TMEM209: variants seen among roughly 807,000 people sequenced by gnomAD.
TMEM209 encodes the protein transmembrane protein 209.
In TMEM209, 65 loss-of-function variants were observed where a neutral mutation model predicts 76.2. That is an observed-to-expected ratio of 0.85 (90% CI 0.70 to 1.05). The LOEUF (loss-of-function observed/expected upper bound fraction) is 1.05, where lower values mean the gene tolerates loss of function less well. Among genes scored for constraint, TMEM209 ranks in the 50% least tolerant of loss-of-function variants. The pLI, the probability that TMEM209 is intolerant of heterozygous loss-of-function variation, is 0.00. For synonymous variants in TMEM209, 239 were observed against 237.6 expected, an observed-to-expected ratio of 1.01 and a Z score of -0.06; for missense variants, 623 against 685.5, an observed-to-expected ratio of 0.91 and a Z score of 1.02.
At chr7:130,175,303 A>C in intron 11 of TMEM209, 1 of 447,986 alleles carries the variant, frequency 2.2e-6, no homozygotes, top group South Asian at 4.7e-5. Flanking sequence ...CTCTACAAAA[A>C]ATTAAAAAAA....
chr7:130,175,650 C>T lies in TMEM209; in HGVS notation c.1247-41G>A, dbSNP rs1484745021. On this transcript the variant is annotated intron_variant, in intron 10 of 14. Transcript: ENST00000397622. Reference sequence around the variant, plus strand: ...GAAATTTTTAAAAGCTAAGAGTATGCAAAAAAGAAAAGAAAAAAAAAGCTA... The same window carrying T: ...GAAATTTTTAAAAGCTAAGAGTATGTAAAAAAGAAAAGAAAAAAAAAGCTA... 4.4e-6 allele frequency: 6 copies of T among 1,374,658 alleles called. No homozygotes were observed. In the Admixed American group the frequency reaches 1.0e-4, roughly 24 times the overall value. The allele number at this position is 1,374,658 out of a possible 1,614,324, so 85.2% of individuals were successfully genotyped here.
At position 130,200,899 on chromosome 7, in the gene TMEM209, C is replaced by T. The variant is rs919916036; in HGVS notation, c.573+951G>A. ...GGTCAGGAGATCGAGACCATCCTGG[C>T]TAACATGGCGAAACCCCGTCTCTAC... On this transcript the variant is annotated intron_variant, in intron 5 of 14. Coordinates refer to ENST00000397622, the MANE Select transcript of TMEM209 (RefSeq NM_032842.4). Among the ~76,000 whole-genome samples, 105 of 151,852 alleles carry T rather than the reference C, an allele frequency of 6.9e-4. 1 individual carries two copies. Among genetic ancestry groups the T allele is most frequent in the African/African-American group, 2.3e-3 (97 of 41,356 alleles).
chr7:130,202,159 A>T, intron 4 of TMEM209, 68 bp from the exon 5 acceptor site: 2 of 1,519,824 alleles, frequency 1.3e-6, no homozygotes, highest in Non-Finnish European at 1.8e-6. Flanking sequence ...AATATATTTA[A>T]GCAACTAAGT....
chr7:130,168,806 A>C (rs1010201765), intron 14 of TMEM209, among the ~76,000 whole-genome samples: 2 of 152,234 alleles, frequency 1.3e-5, no homozygotes, highest in African/African-American at 2.4e-5. Flanking sequence ...GTTCTAGTTT[A>C]TACACTGCTG....
At chr7:130,187,261 G>T (rs1414956741) in intron 6 of TMEM209, among the ~76,000 whole-genome samples, 12 of 148,438 alleles carry the variant, frequency 8.1e-5, no homozygotes, top group Non-Finnish European at 1.5e-4. Flanking sequence ...AAAAAACCTC[G>T]ATCTCAAAAA....
chr7:130,202,756 C>A, intron 3 of TMEM209, 93 bp from the exon 4 acceptor site: 1 of 1,306,020 alleles, frequency 7.7e-7, no homozygotes. Flanking sequence ...ACTAAAATTA[C>A]CTTCTTATTC....
intron 14 of TMEM209, 28 bp downstream of exon 14, chr7:130,170,372 C>G (rs372894923): frequency 2.5e-5 from 39 of 1,573,506 alleles, no homozygotes; most frequent in Non-Finnish European, 3.1e-5. Flanking sequence ...TAAATAACTA[C>G]TTACGTTTTT....
intron 10 of TMEM209, 28 bp downstream of exon 10, chr7:130,178,374 A>T (rs1419546833): frequency 6.4e-7 from 1 of 1,557,658 alleles, no homozygotes; most frequent in Non-Finnish European, 8.7e-7. Flanking sequence ...AAAAGCTCTT[A>T]TTTTTTTCTC....
At chr7:130,172,306 T>C (rs978516030) in intron 13 of TMEM209, among the ~76,000 whole-genome samples, 2 of 152,182 alleles carry the variant, frequency 1.3e-5, no homozygotes, top group Non-Finnish European at 2.9e-5. Flanking sequence ...GATAGCTGTA[T>C]GCATGAAGAT....
At chr7:130,185,397 G>GTGT in intron 6 of TMEM209, 30 bp from the exon 7 acceptor site, 1 of 1,595,708 alleles carries the variant, frequency 6.3e-7, no homozygotes, top group Non-Finnish European at 8.6e-7. Flanking sequence ...CAGTATCAGT[G>GTGT]TGTTGTAGCA....
chr7:130,166,611 AT>A, intron 14 of TMEM209, 106 bp from the exon 15 acceptor site: 1 of 600,838 alleles, frequency 1.7e-6, no homozygotes, highest in Non-Finnish European at 2.7e-6. Context: ...CTGATATTTA[AT>A]GTGATTCTGC....
At chr7:130,168,316 T>C (rs559256255) in intron 14 of TMEM209, among the ~76,000 whole-genome samples, 1 of 152,324 alleles carries the variant, frequency 6.6e-6, no homozygotes, top group South Asian at 2.1e-4. Flanking sequence ...AGTGACATCA[T>C]GATGCTCAAA....
intron 8 of TMEM209, chr7:130,181,927 A>G (rs1562889521): frequency 4.5e-6 from 2 of 444,696 alleles, no homozygotes; most frequent in South Asian, 2.7e-5. Flanking sequence ...TGGAGTGTAA[A>G]TTAACTAACT....
chr7:130,202,626 T>C lies in TMEM209; in HGVS notation c.237A>G (p.Leu79=), dbSNP rs761774341. 6.8e-6 allele frequency: 11 copies of C among 1,613,630 alleles called. No individual in the cohort carries two copies. The highest frequency in any genetic ancestry group is 8.5e-6 in the Non-Finnish European group (10 of 1,179,756). The part of the protein sequence containing the change: ...ALASLFSLNA[L]FDFWRYFKYT... ...ATTTGAAATATCTCCAAAAATCAAATAAGGCATTAAGGCTGAAGAGAGATG... is the reference window on the plus strand; with the variant it reads ...ATTTGAAATATCTCCAAAAATCAAACAAGGCATTAAGGCTGAAGAGAGATG... Residue 79 remains leucine (L), a synonymous_variant, in exon 4 of 15, where the codon TTA becomes TTG. Coordinates refer to ENST00000397622, the MANE Select transcript of TMEM209 (RefSeq NM_032842.4).
intron 7 of TMEM209, 32 bp from the exon 8 acceptor site, chr7:130,184,287 A>C: frequency 6.8e-7 from 1 of 1,461,404 alleles, no homozygotes; most frequent in African/African-American, 1.4e-5. Flanking sequence ...ATGAACAATC[A>C]GTGAGGAAAA....
intron 10 of TMEM209, among the ~76,000 whole-genome samples, chr7:130,178,164 T>G (rs1349826176): frequency 6.6e-6 from 1 of 152,168 alleles, no homozygotes; most frequent in African/African-American, 2.4e-5. Flanking sequence ...ATAAAGAATG[T>G]CATAATGGCA....
At chr7:130,169,734 C>T (rs73144797) in intron 14 of TMEM209, among the ~76,000 whole-genome samples, 22,468 of 151,800 alleles carry the variant, frequency 0.15, 2,251 homozygotes, top group Middle Eastern at 0.23. Context: ...CCAAGCCCAT[C>T]CCCCCTTTTT....
At chr7:130,189,737 G>A (rs898191648) in intron 6 of TMEM209, among the ~76,000 whole-genome samples, 1 of 152,140 alleles carries the variant, frequency 6.6e-6, no homozygotes, top group African/African-American at 2.4e-5. Context: ...ATAAACTCAT[G>A]GTTTTTTAAA....
intron 5 of TMEM209, among the ~76,000 whole-genome samples, chr7:130,196,429 T>C (rs1481751548): frequency 6.6e-6 from 1 of 152,138 alleles, no homozygotes; most frequent in Non-Finnish European, 1.5e-5. Context: ...ATTCCATATA[T>C]TGTGCTAAGG....
Sources: gnomAD v4.1 joint callset for allele counts (sites outside exome capture counted in the v4.1 genomes callset) on GRCh38, gnomAD v4.1.1 for gene constraint, MANE v1.5 for transcripts, NCBI Gene and HGNC (gene_info 2026-07-23, HGNC 2026-07-21) for gene names.